Variants in ITFG1 observed in about 807,000 individuals in gnomAD.
ITFG1 encodes integrin alpha FG-GAP repeat containing 1, also known as T-cell immunomodulatory protein.
ITFG1 carries 34 observed loss-of-function variants against 81.8 expected under a neutral mutation model. The observed-to-expected ratio is 0.42, with a 90% CI of 0.32 to 0.55. ITFG1 has a LOEUF of 0.55. Among genes scored for constraint, ITFG1 ranks in the 20% least tolerant of loss-of-function variants. ITFG1 has a pLI of 0.17. For synonymous variants in ITFG1, 285 were observed against 270.6 expected (o/e 1.05, Z -0.52); for missense variants, 672 against 755.4 (o/e 0.89, Z 1.29).
intron 16 of ITFG1, among the ~76,000 whole-genome samples, chr16:47,160,179 T>G (rs1964780500): frequency 6.8e-6 from 1 of 147,468 alleles, no homozygotes; most frequent in Non-Finnish European, 1.5e-5. Flanking sequence ...GGAATGTAAG[T>G]GTTTTGGTAA....
chr16:47,393,321 C>T (rs1484534902), intron 6 of ITFG1, among the ~76,000 whole-genome samples: 1 of 152,144 alleles, frequency 6.6e-6, no homozygotes, highest in East Asian at 1.9e-4. Flanking sequence ...AATTAGATAA[C>T]TAGCAGTGCG....
intron 6 of ITFG1, among the ~76,000 whole-genome samples, chr16:47,393,558 T>C (rs2151596665): frequency 1.3e-5 from 2 of 151,990 alleles, no homozygotes; most frequent in Non-Finnish European, 1.5e-5. Flanking sequence ...TGGCAAAACA[T>C]CGTCTCTACT....
At chr16:47,337,344 G>A (rs569899701) in intron 8 of ITFG1, among the ~76,000 whole-genome samples, 29 of 152,162 alleles carry the variant, frequency 1.9e-4, no homozygotes, top group Non-Finnish European at 3.5e-4. Flanking sequence ...GGCCGAGGCA[G>A]GCAGATCACG....
At chr16:47,335,404 A>C (rs1292807806) in intron 8 of ITFG1, among the ~76,000 whole-genome samples, 1 of 152,100 alleles carries the variant, frequency 6.6e-6, no homozygotes, top group Non-Finnish European at 1.5e-5. Context: ...AAAGTCCCCC[A>C]AAACAACAAA....
intron 14 of ITFG1, among the ~76,000 whole-genome samples, chr16:47,169,338 T>C (rs1232070441): frequency 6.6e-6 from 1 of 152,226 alleles, no homozygotes; most frequent in Non-Finnish European, 1.5e-5. Flanking sequence ...TGGGATGTCT[T>C]TCCATTTATT....
chr16:47,180,282 A>G lies in ITFG1; in HGVS notation c.1454-17618T>C, dbSNP rs192074592. Among the ~76,000 whole-genome samples, 30 of 149,456 alleles carry G rather than the reference A, an allele frequency of 2.0e-4. No homozygotes were observed. The East Asian group carries it at 5.0e-3, about 25-fold the overall frequency. ...TATTTGGGCTTTGAATAACAACATG[A>G]TATCAGCTTACCTAATGGGCTTGAA... On this transcript the variant is annotated intron_variant, in intron 14 of 17. Coordinates refer to ENST00000320640, the MANE Select transcript of ITFG1 (RefSeq NM_030790.5).
At chr16:47,269,141 A>G (rs151197666) in intron 10 of ITFG1, among the ~76,000 whole-genome samples, 242 of 152,318 alleles carry the variant, frequency 1.6e-3, no homozygotes, top group African/African-American at 5.6e-3. Flanking sequence ...CCACTCAGCA[A>G]TGAATATACA....
intron 13 of ITFG1, among the ~76,000 whole-genome samples, chr16:47,222,261 T>C (rs1158321855): frequency 6.6e-6 from 1 of 151,698 alleles, no homozygotes; most frequent in East Asian, 1.9e-4. Flanking sequence ...GCTTTGAATG[T>C]GTCCCAGAGA....
chr16:47,254,945 G>T (rs1966122793), intron 12 of ITFG1, among the ~76,000 whole-genome samples: 1 of 152,084 alleles, frequency 6.6e-6, no homozygotes, highest in African/African-American at 2.4e-5. Context: ...AGATTAGCGA[G>T]GCATGGCAGC....
chr16:47,242,457 A>G (rs528006593), intron 12 of ITFG1, among the ~76,000 whole-genome samples: 4 of 152,228 alleles, frequency 2.6e-5, no homozygotes, highest in Admixed American at 6.5e-5. Context: ...TAATAAATAT[A>G]TTATCACAAA....
At chr16:47,224,012 C>G (rs2151529113) in intron 13 of ITFG1, among the ~76,000 whole-genome samples, 1 of 138,394 alleles carries the variant, frequency 7.2e-6, no homozygotes, top group South Asian at 2.2e-4. Context: ...GGGAATTGAA[C>G]AATGAGAACA....
intron 13 of ITFG1, among the ~76,000 whole-genome samples, chr16:47,220,224 G>A (rs985263548): frequency 5.6e-4 from 85 of 152,320 alleles, no homozygotes; most frequent in African/African-American, 1.9e-3. Flanking sequence ...GGTTCTCAAA[G>A]AGTGTTACAA....
chr16:47,244,472 T>A (rs974547088), intron 12 of ITFG1, among the ~76,000 whole-genome samples: 1 of 152,256 alleles, frequency 6.6e-6, no homozygotes, highest in Middle Eastern at 3.4e-3. Context: ...AATCCCTACA[T>A]ATTTTGGTGA....
chr16:47,296,708 T>C (rs1339053740), intron 10 of ITFG1, among the ~76,000 whole-genome samples: 1 of 152,234 alleles, frequency 6.6e-6, no homozygotes, highest in Admixed American at 6.5e-5. Context: ...AGTGCTGGGA[T>C]TACAGGCTTG....
At chr16:47,298,558 G>C (rs1355941539) in intron 10 of ITFG1, among the ~76,000 whole-genome samples, 1 of 152,078 alleles carries the variant, frequency 6.6e-6, no homozygotes, top group African/African-American at 2.4e-5. Context: ...CAGTAGCAAA[G>C]ACTCTGTACA....
chr16:47,407,376 G>A (rs758548103), intron 6 of ITFG1, among the ~76,000 whole-genome samples: 7 of 152,202 alleles, frequency 4.6e-5, no homozygotes, highest in Non-Finnish European at 1.0e-4. Context: ...TTTTGAGACA[G>A]AGTCTTCCTC....
At chr16:47,174,888 C>A (rs1264533948) in intron 14 of ITFG1, among the ~76,000 whole-genome samples, 1 of 152,124 alleles carries the variant, frequency 6.6e-6, no homozygotes, top group Non-Finnish European at 1.5e-5. Context: ...ACTGGCACTG[C>A]CCTGAGTCAA....
chr16:47,172,583 T>TA (rs1964975414), intron 14 of ITFG1, among the ~76,000 whole-genome samples: 1 of 152,058 alleles, frequency 6.6e-6, no homozygotes, highest in African/African-American at 2.4e-5. Context: ...ACTTTCCACT[T>TA]AGTCATGCCA....
chr16:47,317,016 T>C (rs1266709517), intron 8 of ITFG1, among the ~76,000 whole-genome samples: 1 of 152,184 alleles, frequency 6.6e-6, no homozygotes, highest in African/African-American at 2.4e-5. Context: ...CCAAAATTCT[T>C]TCTCAAAAAC....
Sources: allele counts gnomAD v4.1 joint callset (sites outside exome capture counted in the v4.1 genomes callset), GRCh38; gene constraint gnomAD v4.1.1; transcripts MANE v1.5; gene names NCBI Gene and HGNC (gene_info 2026-07-23, HGNC 2026-07-21).